SOX6: variants seen among roughly 807,000 people sequenced by gnomAD.
The protein encoded by SOX6 is transcription factor SOX-6.
A neutral mutation model predicts 97.8 loss-of-function variants in SOX6; 11 were observed. The observed-to-expected ratio is 0.11, with a 90% confidence interval of 0.07 to 0.19. SOX6 has a LOEUF of 0.19. SOX6 is among the 10% of genes least tolerant of loss of function. The pLI, the probability that SOX6 is intolerant of heterozygous loss-of-function variation, is 1.00. For missense variants in SOX6, 810 were observed against 1,039.5 expected (o/e 0.78, Z 3.04); for synonymous variants, 360 against 371.4 (o/e 0.97, Z 0.35).
At position 15,966,911 on chromosome 11, in the gene SOX6, A is replaced by T. The variant is rs1316462119; in HGVS notation, c.*5898T>A. The T allele has an allele frequency of 6.6e-6, 1 of 151,876 alleles. No homozygotes were observed. Among genetic ancestry groups the T allele is most frequent in the Non-Finnish European group, 1.5e-5 (1 of 67,978 alleles). 9.4% of individuals were successfully genotyped at this position (151,876 alleles called of 1,614,324 possible). On this transcript the variant is annotated 3_prime_UTR_variant, in exon 16 of 16. Coordinates refer to ENST00000683767, the MANE Select transcript of SOX6 (RefSeq NM_001367873.1). ...GATTCATTCCTGTAAATTTGAAGAG[A>T]TTTTTTTTATTTTTCCCATTTCTTT...
chr11:16,365,504 T>C (rs1565114993), intron 1 of SOX6, among the ~76,000 whole-genome samples: 1 of 151,492 alleles, frequency 6.6e-6, no homozygotes, highest in African/African-American at 2.4e-5. Flanking sequence ...ATCAACATAG[T>C]AAAAAAAAAT....
chr11:16,123,849 G>A (rs143065923), intron 6 of SOX6, among the ~76,000 whole-genome samples: 13 of 151,976 alleles, frequency 8.6e-5, no homozygotes, highest in Non-Finnish European at 2.9e-5. Flanking sequence ...AAGAGATGTC[G>A]CTGTTAAAGA....
chr11:16,304,707 A>AT (rs1855370390), intron 3 of SOX6, among the ~76,000 whole-genome samples: 1 of 152,160 alleles, frequency 6.6e-6, no homozygotes, highest in South Asian at 2.1e-4. Context: ...TTGTTGACTC[A>AT]TTAGTTCTAA....
chr11:16,061,313 A>AAAC (rs1297541918), intron 9 of SOX6, among the ~76,000 whole-genome samples: 1 of 151,210 alleles, frequency 6.6e-6, no homozygotes, highest in African/African-American at 2.4e-5. Flanking sequence ...CAAAAAAAAA[A>AAAC]AAACAGGAAT....
intron 4 of SOX6, among the ~76,000 whole-genome samples, chr11:16,587,876 G>A (rs562718525): frequency 3.3e-5 from 5 of 152,240 alleles, no homozygotes; most frequent in African/African-American, 9.6e-5. Context: ...CCAAACACAC[G>A]CAATGAATTG....
chr11:16,062,739 T>A (rs1362792698), intron 9 of SOX6, among the ~76,000 whole-genome samples: 2 of 151,766 alleles, frequency 1.3e-5, no homozygotes, highest in Non-Finnish European at 3.0e-5. Flanking sequence ...TAAAAGCACT[T>A]TAAGAAATGA....
chr11:16,050,836 T>A (rs1009752214), intron 10 of SOX6, among the ~76,000 whole-genome samples: 2 of 152,176 alleles, frequency 1.3e-5, no homozygotes, highest in African/African-American at 2.4e-5. Flanking sequence ...TATGACCATA[T>A]TTATTTAAAT....
intron 6 of SOX6, among the ~76,000 whole-genome samples, chr11:16,181,722 T>C (rs976369553): frequency 6.6e-6 from 1 of 151,768 alleles, no homozygotes; most frequent in African/African-American, 2.4e-5. Context: ...AGATATGCCA[T>C]AAAGCAGTAG....
At chr11:16,386,670 T>G (rs1296960124) in intron 1 of SOX6, among the ~76,000 whole-genome samples, 3 of 152,154 alleles carry the variant, frequency 2.0e-5, no homozygotes, top group Non-Finnish European at 2.9e-5. Context: ...TTCCCTCTTC[T>G]GTCTCCTCTT....
chr11:16,229,006 A>C (rs144692666), intron 4 of SOX6, among the ~76,000 whole-genome samples: 213 of 152,302 alleles, frequency 1.4e-3, no homozygotes, highest in African/African-American at 4.8e-3. Context: ...ATATGTAAAA[A>C]TATTAAGCTC....
intron 4 of SOX6, among the ~76,000 whole-genome samples, chr11:16,516,467 T>C (rs1345848478): frequency 6.6e-6 from 1 of 151,946 alleles, no homozygotes; most frequent in Admixed American, 6.6e-5. Flanking sequence ...ATGAATCAAA[T>C]AGACGCAATA....
At chr11:16,317,916 G>C (rs758936991) in intron 3 of SOX6, 1 of 448,834 alleles carries the variant, frequency 2.2e-6, no homozygotes, top group South Asian at 1.6e-5. Context: ...AGGTAGATGT[G>C]GGATGTTGCA....
intron 13 of SOX6, among the ~76,000 whole-genome samples, chr11:16,002,561 T>A (rs770874140): frequency 1.3e-5 from 2 of 152,130 alleles, no homozygotes; most frequent in Non-Finnish European, 2.9e-5. Context: ...ATTATCTATA[T>A]GCTGTATTTA....
intron 3 of SOX6, among the ~76,000 whole-genome samples, chr11:16,662,693 A>T (rs924016661): frequency 9.2e-5 from 14 of 152,316 alleles, no homozygotes; most frequent in Non-Finnish European, 1.6e-4. Flanking sequence ...AATTAATTTT[A>T]AAAAACTTTT....
chr11:16,131,783 C>T (rs1273609451), intron 6 of SOX6, among the ~76,000 whole-genome samples: 2 of 151,898 alleles, frequency 1.3e-5, no homozygotes, highest in Admixed American at 1.3e-4. Context: ...CATGAAAAAT[C>T]TAAGAAATAT....
rs779137281 is a variant in SOX6, at chr11:16,402,806, T to C, written c.-4-61554A>G. On this transcript the variant is annotated intron_variant, in intron 1 of 15. Coordinates refer to the SOX6 transcript ENST00000396356. ...TGTTACATGAGACAACAACCTTTCA[T>C]GTCCTTGAAGCTCACCATGACCTTT... 3.2e-6 allele frequency: 5 copies of C among 1,575,172 alleles called. No homozygotes were observed. In the East Asian group the frequency reaches 6.9e-5, roughly 22 times the overall value.
chr11:16,174,823 A>G (rs529415027), intron 6 of SOX6, among the ~76,000 whole-genome samples: 6 of 152,162 alleles, frequency 3.9e-5, no homozygotes, highest in Non-Finnish European at 8.8e-5. Flanking sequence ...AATAAATTGG[A>G]AAGGTTCATT....
chr11:16,472,876 AG>A (rs1860164239), intron 1 of SOX6, among the ~76,000 whole-genome samples: 1 of 152,118 alleles, frequency 6.6e-6, no homozygotes, highest in African/African-American at 2.4e-5. Flanking sequence ...ACAAAGAAAA[AG>A]TTTCCTGTGT....
intron 1 of SOX6, among the ~76,000 whole-genome samples, chr11:16,436,189 C>T (rs887482575): frequency 2.0e-5 from 3 of 152,198 alleles, no homozygotes; most frequent in Non-Finnish European, 2.9e-5. Flanking sequence ...ACATGTATCC[C>T]GGAACTCAAG....
Sources: allele counts gnomAD v4.1 joint callset (sites outside exome capture counted in the v4.1 genomes callset), GRCh38; gene constraint gnomAD v4.1.1; transcripts MANE v1.5; gene names NCBI Gene and HGNC (gene_info 2026-07-23, HGNC 2026-07-21).